Variants in CSMD1 observed in about 807,000 individuals in gnomAD.
CSMD1 encodes CUB and Sushi multiple domains 1, also known as CUB and sushi domain-containing protein 1.
A neutral mutation model predicts 417.5 loss-of-function variants in CSMD1; 213 were observed. The observed-to-expected ratio is 0.51, with a 90% CI of 0.46 to 0.57. CSMD1 has a LOEUF of 0.57. Among genes scored for constraint, CSMD1 ranks in the 20% least tolerant of loss-of-function variants. CSMD1 has a pLI of 0.00. For synonymous variants in CSMD1, 2,862 were observed against 1,736.8 expected, an observed-to-expected ratio of 1.65 and a Z score of -16.11; for missense variants, 6,923 against 4,529.7, an observed-to-expected ratio of 1.53 and a Z score of -15.17.
chr8:4,816,716 G>T (rs1799227670), intron 1 of CSMD1, among the ~76,000 whole-genome samples: 1 of 152,122 alleles, frequency 6.6e-6, no homozygotes, highest in South Asian at 2.1e-4. Flanking sequence ...GTGATTTCCA[G>T]ATGCAAAAAT....
Position 3,339,070 on chromosome 8 carries a change from G to C in CSMD1, c.3631+4224C>G, listed in dbSNP as rs1011229596. Among the ~76,000 whole-genome samples, 17 of 145,024 alleles carry C rather than the reference G, an allele frequency of 1.2e-4. No homozygotes were observed. The South Asian group carries it at 3.4e-3, about 29-fold the overall frequency. On this transcript the variant is annotated intron_variant, in intron 23 of 69. Coordinates refer to ENST00000635120, the MANE Select transcript of CSMD1 (RefSeq NM_033225.6). Reference sequence around the variant, plus strand: ...CTCATTGTTCAATTCCCACCTATGAGTGAGAATATGCGGTGTTTGGTTGTT... The same window carrying C: ...CTCATTGTTCAATTCCCACCTATGACTGAGAATATGCGGTGTTTGGTTGTT...
intron 50 of CSMD1, among the ~76,000 whole-genome samples, chr8:3,047,740 A>G (rs563212280): frequency 6.6e-6 from 1 of 152,252 alleles, no homozygotes; most frequent in South Asian, 2.1e-4. Context: ...GGGTTATGTA[A>G]TGCCAATCCC....
intron 5 of CSMD1, among the ~76,000 whole-genome samples, chr8:3,778,849 T>G (rs2623659): frequency 3.3e-5 from 5 of 151,992 alleles, no homozygotes; most frequent in African/African-American, 9.7e-5. Flanking sequence ...CATTGAATAC[T>G]CAGTTGAGAA....
At chr8:4,247,380 C>G (rs1182500578) in intron 3 of CSMD1, among the ~76,000 whole-genome samples, 1 of 152,122 alleles carries the variant, frequency 6.6e-6, no homozygotes, top group Non-Finnish European at 1.5e-5. Context: ...AAGGTAGAGT[C>G]AGTTGTAGAA....
At chr8:3,856,485 G>C (rs1409583271) in intron 5 of CSMD1, among the ~76,000 whole-genome samples, 1 of 152,180 alleles carries the variant, frequency 6.6e-6, no homozygotes, top group Non-Finnish European at 1.5e-5. Context: ...TTCTTAATTG[G>C]TGAGGAGGAG....
rs549868997 is a variant in CSMD1, at chr8:4,702,765, C to T, written c.86-65207G>A. On this transcript the variant is annotated intron_variant, in intron 1 of 69. Transcript: ENST00000635120. ...TCTGTGGAAGGAAAGAAAGAGCATCCTTTTGCGGGAAAATGTTAGGTAGCA... is the reference window on the plus strand; with the variant it reads ...TCTGTGGAAGGAAAGAAAGAGCATCTTTTTGCGGGAAAATGTTAGGTAGCA... Among the ~76,000 whole-genome samples, 31 of 152,242 alleles carry T rather than the reference C, an allele frequency of 2.0e-4. 1 individual carries two copies. The South Asian group carries it at 5.4e-3, about 26-fold the overall frequency.
At chr8:3,212,380 G>A (rs1043000707) in intron 30 of CSMD1, among the ~76,000 whole-genome samples, 5 of 152,016 alleles carry the variant, frequency 3.3e-5, no homozygotes, top group Non-Finnish European at 7.4e-5. Context: ...TTCCTCTGTC[G>A]ATCTGTTGCC....
intron 3 of CSMD1, among the ~76,000 whole-genome samples, chr8:4,080,987 T>TCA (rs540801185): frequency 1.6e-3 from 247 of 152,260 alleles, no homozygotes; most frequent in African/African-American, 5.7e-3. Flanking sequence ...ACAAGAGGCT[T>TCA]CACACAGTAT....
At chr8:3,144,122 C>A (rs1394331393) in intron 40 of CSMD1, among the ~76,000 whole-genome samples, 1 of 152,136 alleles carries the variant, frequency 6.6e-6, no homozygotes, top group East Asian at 1.9e-4. Context: ...ACCAAGTTTG[C>A]TCCCAGCACA....
intron 5 of CSMD1, among the ~76,000 whole-genome samples, chr8:3,840,878 T>C (rs1433190806): frequency 6.6e-6 from 1 of 151,950 alleles, no homozygotes; most frequent in Non-Finnish European, 1.5e-5. Context: ...CATTAATTTT[T>C]GTATTTTTAG....
chr8:4,898,719 C>G (rs1170335587), intron 1 of CSMD1, among the ~76,000 whole-genome samples: 1 of 151,988 alleles, frequency 6.6e-6, no homozygotes. Flanking sequence ...ATTATATAGT[C>G]CTTGAAAACC....
intron 11 of CSMD1, among the ~76,000 whole-genome samples, chr8:3,489,354 A>G (rs1818236006): frequency 6.6e-6 from 1 of 152,206 alleles, no homozygotes; most frequent in Non-Finnish European, 1.5e-5. Flanking sequence ...ATTCATTCTC[A>G]TAGAGGGACG....
At chr8:3,431,310 A>G (rs1305926299) in intron 12 of CSMD1, among the ~76,000 whole-genome samples, 3 of 152,114 alleles carry the variant, frequency 2.0e-5, no homozygotes, top group African/African-American at 7.2e-5. Flanking sequence ...CTAACCCTGC[A>G]TACTCTCCTC....
chr8:4,525,177 C>G (rs1005945410), intron 2 of CSMD1, among the ~76,000 whole-genome samples: 2 of 152,178 alleles, frequency 1.3e-5, no homozygotes, highest in African/African-American at 4.8e-5. Flanking sequence ...CTCCCACCTT[C>G]CCTCTATGCC....
At chr8:4,567,869 T>G (rs1267676002) in intron 2 of CSMD1, among the ~76,000 whole-genome samples, 2 of 152,180 alleles carry the variant, frequency 1.3e-5, no homozygotes, top group Non-Finnish European at 2.9e-5. Context: ...GCATGCTGAG[T>G]AAGAATATTT....
chr8:4,252,087 A>C (rs1026988062), intron 3 of CSMD1, among the ~76,000 whole-genome samples: 2 of 152,208 alleles, frequency 1.3e-5, no homozygotes, highest in Admixed American at 6.5e-5. Flanking sequence ...GAAACTGATG[A>C]ACAAAGAAAC....
chr8:3,294,178 C>T (rs1032288469), intron 25 of CSMD1, among the ~76,000 whole-genome samples: 2 of 152,158 alleles, frequency 1.3e-5, no homozygotes, highest in Non-Finnish European at 2.9e-5. Flanking sequence ...TCTGATCATT[C>T]CTCTGGAAGT....
At chr8:3,418,958 G>A (rs1470577962) in intron 12 of CSMD1, among the ~76,000 whole-genome samples, 1 of 152,202 alleles carries the variant, frequency 6.6e-6, no homozygotes. Flanking sequence ...TTACTTTCCA[G>A]AATTAATTAG....
Position 3,602,392 on chromosome 8 carries a change from T to C in CSMD1, c.1097+14318A>G, listed in dbSNP as rs770389153. On this transcript the variant is annotated intron_variant, in intron 8 of 69. Coordinates refer to ENST00000635120, the MANE Select transcript of CSMD1 (RefSeq NM_033225.6). The stretch of plus-strand genomic sequence containing the variant: ...GGAAAGCAAAATGAATCACCTGAGA[T>C]TCTGAAGAGATTTTAAAGGAATTAG... Among the ~76,000 whole-genome samples, 13 of 152,268 alleles carry C rather than the reference T, an allele frequency of 8.5e-5. No homozygotes were observed. The East Asian group carries it at 2.3e-3, about 27-fold the overall frequency.
Sources: allele counts gnomAD v4.1 joint callset (sites outside exome capture counted in the v4.1 genomes callset), GRCh38; gene constraint gnomAD v4.1.1; transcripts MANE v1.5; gene names NCBI Gene and HGNC (gene_info 2026-07-23, HGNC 2026-07-21).